The following TCF20 variants were observed in gnomAD, a reference collection of about 807,000 sequenced individuals.
TCF20 encodes transcription factor 20.
TCF20 carries 3 observed loss-of-function variants against 148.6 expected under a neutral mutation model. The ratio of observed to expected loss-of-function variants is 0.02; its 90% CI spans 0.01 to 0.05. The LOEUF (loss-of-function observed/expected upper bound fraction) is 0.05, where lower values mean the gene tolerates loss of function less well. Among genes scored for constraint, TCF20 ranks in the 10% least tolerant of loss-of-function variants. The pLI, the probability that TCF20 is intolerant of heterozygous loss-of-function variation, is 1.00. For missense variants in TCF20, 2,350 were observed against 2,429.3 expected, an observed-to-expected ratio of 0.97 and a Z score of 0.69; for synonymous variants, 1,049 against 909.5, an observed-to-expected ratio of 1.15 and a Z score of -2.76.
In TCF20 at chr22:42,302,788, T is replaced by C. The variant is rs114251223; in HGVS notation, c.-37+40691A>G. Among the ~76,000 whole-genome samples the C allele has an allele frequency of 3.7e-3, 560 of 152,290 alleles. 3 individuals carry two copies. The highest frequency in any genetic ancestry group is 0.013 in the African/African-American group (529 of 41,566). On this transcript the variant is annotated intron_variant, in intron 1 of 1. Coordinates refer to the TCF20 transcript ENST00000515426. ...CTCCCATCCTGTAGTTCCGGAACAA[T>C]TTCTTTACCCAAATGTGTGCCCCAC...
chr22:42,282,860 A>C (rs1023697184), intron 1 of TCF20, among the ~76,000 whole-genome samples: 3 of 151,296 alleles, frequency 2.0e-5, no homozygotes, highest in African/African-American at 7.3e-5. Context: ...TAAATGCAAG[A>C]AGCACACGCC....
chr22:42,192,741 C>T (rs922743281), intron 2 of TCF20, among the ~76,000 whole-genome samples: 1 of 152,184 alleles, frequency 6.6e-6, no homozygotes, highest in Non-Finnish European at 1.5e-5. Flanking sequence ...GACATAGTCT[C>T]ACATCTCATT....
intron 2 of TCF20, among the ~76,000 whole-genome samples, chr22:42,188,231 T>C (rs1234502475): frequency 3.7e-5 from 5 of 133,590 alleles, no homozygotes; most frequent in South Asian, 2.4e-4. Context: ...GAGGTGGAGG[T>C]TGCAGTGAGC....
chr22:42,302,431 C>T lies in TCF20; in HGVS notation c.-37+41048G>A, dbSNP rs550492995. 3.9e-4 allele frequency among the ~76,000 whole-genome samples: 60 copies of T among 152,282 alleles called. 1 individual carries two copies. The South Asian group carries it at 0.011, about 28-fold the overall frequency. On this transcript the variant is annotated intron_variant, in intron 1 of 1. Transcript: ENST00000515426. ...TGGGGGAGGTGAGAGGCACGTTCCT[C>T]TACCCTCAAAGAGCTCCCACCCCAC...
chr22:42,274,423 A>G (rs1335776379), upstream of TCF20: 1 of 152,306 alleles, frequency 6.6e-6, no homozygotes, highest in Non-Finnish European at 1.5e-5. Flanking sequence ...GGCTCAGAAC[A>G]GTTCTTTCTG....
At chr22:42,273,960 A>T (rs569667954), upstream of TCF20, 1 of 152,854 alleles carries the variant, frequency 6.5e-6, no homozygotes, top group East Asian at 1.9e-4. Context: ...TCGGCAGATC[A>T]GTGACTTGTG....
At chr22:42,206,013 A>G (rs906817392) in intron 2 of TCF20, among the ~76,000 whole-genome samples, 2 of 152,092 alleles carry the variant, frequency 1.3e-5, no homozygotes, top group Non-Finnish European at 2.9e-5. Context: ...ACCTCAGGCG[A>G]TCTGCCCACC....
Position 42,168,743 on chromosome 22 carries a change from C to T in TCF20, c.5800-7G>A, listed in dbSNP as rs772361396. 1.4e-5 allele frequency: 23 copies of T among 1,604,722 alleles called. No individual in the cohort carries two copies. Among genetic ancestry groups the T allele is most frequent in the South Asian group, 3.3e-5 (3 of 90,014 alleles). Reference sequence around the variant, plus strand: ...GAGGGCACGGAAGGGGAGGCTGACACGGGCAAAACCAAGAGGAGACAGACA... The same window carrying T: ...GAGGGCACGGAAGGGGAGGCTGACATGGGCAAAACCAAGAGGAGACAGACA... On this transcript the variant is annotated splice_polypyrimidine_tract_variant and splice_region_variant and intron_variant, in intron 4 of 5. Coordinates refer to ENST00000677622, the MANE Select transcript of TCF20 (RefSeq NM_001378418.1).
chr22:42,233,081 C>T (rs969527899), intron 1 of TCF20, among the ~76,000 whole-genome samples: 12 of 151,998 alleles, frequency 7.9e-5, no homozygotes, highest in Non-Finnish European at 1.6e-4. Flanking sequence ...CCACAATACC[C>T]GGCTAATTTT....
At chr22:42,287,114 C>T (rs1927046738), upstream of TCF20, among the ~76,000 whole-genome samples, 1 of 151,942 alleles carries the variant, frequency 6.6e-6, no homozygotes, top group East Asian at 1.9e-4. Flanking sequence ...GGCACCCAAC[C>T]CCAGAAGCAA....
At chr22:42,321,783 C>T (rs1048260792) in intron 1 of TCF20, among the ~76,000 whole-genome samples, 2 of 151,472 alleles carry the variant, frequency 1.3e-5, no homozygotes, top group African/African-American at 4.8e-5. Context: ...CCCATCACTT[C>T]CAAAAATACA....
rs59283483 is a variant in TCF20, at chr22:42,221,739, G to GT, written c.-36-6399dup. ...GGGCTTATTAACCATATGGCAAAGG[G>GT]TTTTTTTTTTTTTTTTTGAGACGGA... is the stretch of plus-strand genomic sequence containing the variant. On this transcript the variant is annotated intron_variant, in intron 1 of 5. Coordinates refer to ENST00000677622, the MANE Select transcript of TCF20 (RefSeq NM_001378418.1). Among the ~76,000 whole-genome samples the GT allele has an allele frequency of 2.7e-3, 254 of 92,808 alleles. 20 individuals carry two copies. The highest frequency in any genetic ancestry group is 0.014 in the Middle Eastern group (2 of 140). The allele number at this position is 92,808 out of a possible 152,430, so 60.9% of individuals were successfully genotyped here.
At chr22:42,226,568 GGT>G (rs1350832848) in intron 1 of TCF20, among the ~76,000 whole-genome samples, 1 of 151,966 alleles carries the variant, frequency 6.6e-6, no homozygotes, top group Non-Finnish European at 1.5e-5. Context: ...GGCCACATAC[GGT>G]GGCGGAAACC....
chr22:42,268,883 C>G (rs577270865), intron 1 of TCF20, among the ~76,000 whole-genome samples: 7 of 152,330 alleles, frequency 4.6e-5, no homozygotes, highest in South Asian at 4.1e-4. Flanking sequence ...AGCTTAAAGA[C>G]AGGCTTTTAA....
upstream of TCF20, among the ~76,000 whole-genome samples, chr22:42,273,342 A>G (rs1174379887): frequency 1.4e-5 from 2 of 145,058 alleles, no homozygotes; most frequent in Non-Finnish European, 1.5e-5. Context: ...CCTGGGCGAC[A>G]AGAGCAAAAC....
chr22:42,256,597 A>T (rs888821720), intron 1 of TCF20, among the ~76,000 whole-genome samples: 1 of 152,210 alleles, frequency 6.6e-6, no homozygotes, highest in African/African-American at 2.4e-5. Flanking sequence ...GACTTTCAAC[A>T]AGAGAAGATG....
chr22:42,284,564 G>A (rs1478166055), upstream of TCF20, among the ~76,000 whole-genome samples: 2 of 152,224 alleles, frequency 1.3e-5, no homozygotes, highest in East Asian at 3.9e-4. Flanking sequence ...GAGCCTGAAG[G>A]GCTAGCTGGG....
chr22:42,237,171 C>T (rs1038335989), intron 1 of TCF20, among the ~76,000 whole-genome samples: 1 of 152,170 alleles, frequency 6.6e-6, no homozygotes, highest in African/African-American at 2.4e-5. Context: ...TTCAAAACTG[C>T]AGTCAGTTCT....
rs777269731 is a variant in TCF20, at chr22:42,211,510, T to A, written c.3796A>T (p.Ser1266Cys). ...TTTACATCTTGTGACTGTCTCTTAC[T>A]GGGAATGGGAGAGATAAAAGAACGA... ...RVRSFISPIP[S>C]KRQSQDVKNS... Residue 1266 changes from serine to cysteine, a missense_variant, in exon 2 of 6, where the codon AGT (serine) becomes TGT (cysteine). Ser to Cys is a moderately radical substitution (Grantham distance 112, BLOSUM62 -1). Coordinates refer to ENST00000677622, the MANE Select transcript of TCF20 (RefSeq NM_001378418.1). The A allele has an allele frequency of 6.2e-7, 1 of 1,614,198 alleles. No homozygotes were observed. Among genetic ancestry groups the A allele is most frequent in the Admixed American group, 1.7e-5 (1 of 60,024 alleles).
Sources: allele counts gnomAD v4.1 joint callset (sites outside exome capture counted in the v4.1 genomes callset), GRCh38; gene constraint gnomAD v4.1.1; transcripts MANE v1.5; gene names NCBI Gene and HGNC (gene_info 2026-07-23, HGNC 2026-07-21).